ZNF215: variants seen among roughly 807,000 people sequenced by gnomAD.
ZNF215 encodes zinc finger protein 215.
ZNF215 carries 24 observed loss-of-function variants against 27.2 expected under a neutral mutation model. The observed-to-expected ratio is 0.88, with a 90% CI of 0.64 to 1.24. The LOEUF (loss-of-function observed/expected upper bound fraction) is 1.24. Ranked by LOEUF, ZNF215 falls within the 50% of genes most tolerant of loss-of-function variation. The probability of loss-of-function intolerance (pLI) is 0.00; values close to 1 mark genes in which losing one functional copy is unlikely to be tolerated. For missense variants in ZNF215, 675 were observed against 605.7 expected (o/e 1.11, Z -1.20); for synonymous variants, 210 against 204.0 (o/e 1.03, Z -0.25).
At chr11:6,950,743 G>T (rs569776011) in intron 6 of ZNF215, among the ~76,000 whole-genome samples, 33 of 149,762 alleles carry the variant, frequency 2.2e-4, no homozygotes, top group Middle Eastern at 6.8e-3. Flanking sequence ...CTGCCTGATT[G>T]CCCTGGCCAG....
At position 6,955,610 on chromosome 11, in the gene ZNF215, T is replaced by C. The variant is rs1039558685; in HGVS notation, c.713-80T>C. On this transcript the variant is annotated intron_variant, in intron 6 of 6. Coordinates refer to ENST00000278319, the MANE Select transcript of ZNF215 (RefSeq NM_013250.4). The stretch of plus-strand genomic sequence containing the variant: ...GTATTTAAGACCCGTGGTATATGCA[T>C]ATACCTTATACAGTTCAGCCTCCAT... 2.1e-6 allele frequency: 3 copies of C among 1,452,672 alleles called. No individual in the cohort carries two copies. In the African/African-American group the frequency reaches 4.2e-5, roughly 21 times the overall value. 90.0% of individuals were successfully genotyped at this position (1,452,672 alleles called of 1,614,324 possible). A position where few individuals can be genotyped will look rare whatever the true frequency, so the allele number is the denominator to read the frequency against.
intron 5 of ZNF215, among the ~76,000 whole-genome samples, chr11:6,976,390 A>C (rs1329855957): frequency 5.3e-5 from 8 of 152,032 alleles, no homozygotes; most frequent in African/African-American, 1.9e-4. Flanking sequence ...TGATGAAAAT[A>C]AGGGCACAGT....
At chr11:6,951,248 A>C (rs1346080815) in intron 6 of ZNF215, among the ~76,000 whole-genome samples, 2 of 152,100 alleles carry the variant, frequency 1.3e-5, no homozygotes, top group Non-Finnish European at 2.9e-5. Flanking sequence ...CTGGCCTCAT[A>C]AAATGAGTTA....
At chr11:6,971,750 C>G (rs1035788541) in intron 5 of ZNF215, among the ~76,000 whole-genome samples, 3 of 152,032 alleles carry the variant, frequency 2.0e-5, no homozygotes, top group African/African-American at 7.3e-5. Context: ...TTCACACATT[C>G]TGATTCAGCC....
chr11:6,934,550 T>A (rs986405872), intron 3 of ZNF215, among the ~76,000 whole-genome samples: 1 of 152,160 alleles, frequency 6.6e-6, no homozygotes, highest in African/African-American at 2.4e-5. Context: ...ATGTTCCCCT[T>A]CCCCTGTCTT....
chr11:6,928,986 T>C (rs1242448187), intron 2 of ZNF215, among the ~76,000 whole-genome samples: 1 of 152,108 alleles, frequency 6.6e-6, no homozygotes, highest in Non-Finnish European at 1.5e-5. Flanking sequence ...TCTTTTGTTA[T>C]GAGTTTGGGG....
At chr11:6,954,776 G>T (rs1050082246) in intron 6 of ZNF215, among the ~76,000 whole-genome samples, 16 of 152,210 alleles carry the variant, frequency 1.1e-4, no homozygotes, top group African/African-American at 3.6e-4. Context: ...TCCCTAGTGA[G>T]GTGAACCCAG....
At chr11:6,986,382 G>T (rs1299447885), downstream of ZNF215, among the ~76,000 whole-genome samples, 1 of 152,052 alleles carries the variant, frequency 6.6e-6, no homozygotes, top group Non-Finnish European at 1.5e-5. Flanking sequence ...ACTAACTCAA[G>T]ATGTATTAAA....
At chr11:6,955,285 G>T (rs1802248486) in intron 6 of ZNF215, among the ~76,000 whole-genome samples, 1 of 152,082 alleles carries the variant, frequency 6.6e-6, no homozygotes, top group Non-Finnish European at 1.5e-5. Context: ...AATTATTACT[G>T]GTGTTTTATA....
chr11:6,955,885 G>A lies in ZNF215; in HGVS notation c.908G>A (p.Cys303Tyr), dbSNP rs763345277. The change falls in exon 7 of 7, where the codon TGT (cysteine) becomes TAT (tyrosine). Residue 303 changes from cysteine to tyrosine, a missense_variant. Cys to Tyr is a radical substitution (Grantham distance 194). Coordinates refer to ENST00000278319, the MANE Select transcript of ZNF215 (RefSeq NM_013250.4). ...TACACTGAGGAGGAAGATTTTGAAT[G>A]TAGTGAAAATAAGAAAAGCTTTGAT... ...TIYTEEEDFE[C>Y]SENKKSFDIN... is the part of the protein sequence containing the mutation. The A allele has an allele frequency of 1.2e-6, 2 of 1,609,952 alleles. No homozygotes were observed. Among genetic ancestry groups the A allele is most frequent in the Admixed American group, 1.7e-5 (1 of 59,082 alleles).
chr11:6,960,246 C>G (rs939865937), downstream of ZNF215, among the ~76,000 whole-genome samples: 1 of 151,990 alleles, frequency 6.6e-6, no homozygotes, highest in Non-Finnish European at 1.5e-5. Flanking sequence ...TTCTGGAGGG[C>G]CAACTTGACA....
intron 5 of ZNF215, among the ~76,000 whole-genome samples, chr11:6,977,432 G>A (rs781760667): frequency 6.6e-5 from 10 of 152,052 alleles, no homozygotes; most frequent in Middle Eastern, 3.4e-3. Flanking sequence ...TGTACTATCC[G>A]AGGTTTCAGG....
At chr11:6,963,859 T>A (rs1240195133) in intron 5 of ZNF215, among the ~76,000 whole-genome samples, 1 of 152,062 alleles carries the variant, frequency 6.6e-6, no homozygotes, top group Non-Finnish European at 1.5e-5. Context: ...TCACAAAAAA[T>A]AACTGTTAAA....
downstream of ZNF215, among the ~76,000 whole-genome samples, chr11:6,961,741 G>A (rs1264709306): frequency 6.6e-6 from 1 of 152,038 alleles, no homozygotes; most frequent in South Asian, 2.1e-4. Flanking sequence ...TCATTCCCTA[G>A]GGTGACAGAA....
At chr11:6,934,323 T>C (rs1363685650) in intron 3 of ZNF215, among the ~76,000 whole-genome samples, 1 of 152,154 alleles carries the variant, frequency 6.6e-6, no homozygotes, top group African/African-American at 2.4e-5. Context: ...AGGAGGAATT[T>C]TGAGGTTTAG....
chr11:6,964,603 G>A (rs1018701637), intron 5 of ZNF215, among the ~76,000 whole-genome samples: 5 of 151,580 alleles, frequency 3.3e-5, no homozygotes, highest in Admixed American at 6.6e-5. Flanking sequence ...TGATCTTTGT[G>A]CCTATCCTTT....
rs765936969 is a variant in ZNF215 at position 6,956,166 on chromosome 11, C to T, written c.1189C>T (p.His397Tyr). 4 of 1,613,718 alleles carry T rather than the reference C, an allele frequency of 2.5e-6. No individual in the cohort carries two copies. In the Admixed American group the frequency reaches 5.0e-5, roughly 20 times the overall value. The part of the protein sequence containing the change: ...AFCRSSSLIR[H>Y]QIIHTGEKPY... ...CTGCCGAAGTTCATCCCTTATTCGA[C>T]ATCAGATCATTCACACAGGAGAGAA... The change falls in exon 7 of 7, where the codon CAT becomes TAT. Residue 397 changes from histidine to tyrosine, a missense_variant. Physicochemically the swap from His to Tyr is moderately conservative, Grantham distance 83. Transcript: ENST00000278319.
chr11:6,980,636 T>C (rs1423967790), intron 5 of ZNF215, among the ~76,000 whole-genome samples: 1 of 151,810 alleles, frequency 6.6e-6, no homozygotes, highest in Non-Finnish European at 1.5e-5. Flanking sequence ...TACTTTAAGT[T>C]TTAGGGTACA....
intron 6 of ZNF215, 87 bp from the exon 7 acceptor site, chr11:6,955,603 A>G: frequency 3.0e-6 from 4 of 1,317,874 alleles, no homozygotes; most frequent in Non-Finnish European, 9.9e-7. Context: ...GACCCGTGGT[A>G]TATGCATATA....
Sources: allele counts gnomAD v4.1 joint callset (sites outside exome capture counted in the v4.1 genomes callset), GRCh38; gene constraint gnomAD v4.1.1; transcripts MANE v1.5; gene names NCBI Gene and HGNC (gene_info 2026-07-23, HGNC 2026-07-21).